RNF14: variants seen among roughly 807,000 people sequenced by gnomAD.
RNF14 encodes the protein ring finger protein 14.
Under a neutral mutation model 52.6 loss-of-function variants are expected in RNF14, and 26 were observed. That is an observed-to-expected ratio of 0.49 (90% CI 0.36 to 0.69). The LOEUF (loss-of-function observed/expected upper bound fraction) is 0.69, where lower values mean the gene tolerates loss of function less well. RNF14 is among the 30% of genes least tolerant of loss of function. RNF14 has a pLI of 0.00. For missense variants in RNF14, 404 were observed against 560.4 expected (o/e 0.72, Z 2.82); for synonymous variants, 194 against 202.0 (o/e 0.96, Z 0.34).
intron 8 of RNF14, among the ~76,000 whole-genome samples, chr5:141,986,852 C>A (rs1171718155): frequency 6.6e-6 from 1 of 152,146 alleles, no homozygotes; most frequent in African/African-American, 2.4e-5. Context: ...AGGAGAAAAA[C>A]GCTGCATGTG....
chr5:141,971,788 C>T (rs1466283776), intron 2 of RNF14, among the ~76,000 whole-genome samples: 1 of 151,690 alleles, frequency 6.6e-6, no homozygotes, highest in Non-Finnish European at 1.5e-5. Flanking sequence ...GCTGGGATTA[C>T]ATGCGTGTAC....
intron 4 of RNF14, among the ~76,000 whole-genome samples, chr5:141,976,631 G>C (rs1754277807): frequency 6.6e-6 from 1 of 152,102 alleles, no homozygotes; most frequent in Non-Finnish European, 1.5e-5. Flanking sequence ...ACATAGAGCT[G>C]TCATTCCCTG....
At chr5:141,982,968 T>C (rs1487890450) in intron 6 of RNF14, among the ~76,000 whole-genome samples, 3 of 152,130 alleles carry the variant, frequency 2.0e-5, no homozygotes, top group Non-Finnish European at 2.9e-5. Context: ...AGGAAAAAAA[T>C]AGCCTATCTT....
upstream of RNF14, chr5:141,953,453 G>A (rs1010674007): frequency 6.6e-6 from 1 of 152,218 alleles, no homozygotes; most frequent in African/African-American, 2.4e-5. Flanking sequence ...ATTTTGCAGA[G>A]GTGGAATTGG....
At chr5:141,978,854 T>C (rs1365637573) in intron 5 of RNF14, 24 bp downstream of exon 5, 9 of 1,604,696 alleles carry the variant, frequency 5.6e-6, no homozygotes, top group Admixed American at 3.4e-5. Flanking sequence ...CTGCTGATGG[T>C]TGCCTCCTAA....
At chr5:141,961,056 A>G (rs1290949126) in intron 1 of RNF14, among the ~76,000 whole-genome samples, 3 of 152,222 alleles carry the variant, frequency 2.0e-5, no homozygotes, top group African/African-American at 4.8e-5. Context: ...ACTGATGACA[A>G]TAGTATCTCT....
At chr5:141,962,313 G>A (rs985218186), upstream of RNF14, among the ~76,000 whole-genome samples, 1 of 152,208 alleles carries the variant, frequency 6.6e-6, no homozygotes, top group African/African-American at 2.4e-5. Context: ...AAAGCTTTAT[G>A]TCTTGGTTAA....
upstream of RNF14, chr5:141,957,681 C>T: frequency 6.2e-7 from 1 of 1,614,214 alleles, no homozygotes; most frequent in Non-Finnish European, 8.5e-7. This position sits in a 1 kb window ranked among gnomAD's most constrained non-coding sequence, Gnocchi z 4.3. Context: ...GCCTCCGCCT[C>T]TCCTCCCGGC....
At chr5:141,965,615 C>T (rs918288549), upstream of RNF14, among the ~76,000 whole-genome samples, 1 of 152,212 alleles carries the variant, frequency 6.6e-6, no homozygotes, top group African/African-American at 2.4e-5. Flanking sequence ...GAGAGTCAGA[C>T]TGATGAGGAA....
At chr5:141,960,100 T>C (rs1753248035) in intron 1 of RNF14, among the ~76,000 whole-genome samples, 1 of 152,188 alleles carries the variant, frequency 6.6e-6, no homozygotes, top group Admixed American at 6.5e-5. Flanking sequence ...CAGCTTGGTG[T>C]GGGCAAGGTG....
At chr5:141,983,983 T>C (rs1442189358) in intron 7 of RNF14, among the ~76,000 whole-genome samples, 4 of 152,140 alleles carry the variant, frequency 2.6e-5, no homozygotes, top group African/African-American at 9.7e-5. Flanking sequence ...TTGACAAAAA[T>C]CTTAATATGT....
rs1259272683 is a variant in RNF14, at chr5:141,978,826, G to T, written c.830G>T (p.Gly277Val). 1 of 1,613,168 alleles carries T rather than the reference G, an allele frequency of 6.2e-7. No individual in the cohort carries two copies. Among genetic ancestry groups the T allele is most frequent in the Admixed American group, 1.7e-5 (1 of 60,010 alleles). ...EPKCPSVATP[G>V]QVKELVEAEL... ...AAGTGCCCTTCGGTGGCCACTCCTGGTCAGGTAACTGTTTACCCTGCTGAT... is the reference window on the plus strand; with the variant it reads ...AAGTGCCCTTCGGTGGCCACTCCTGTTCAGGTAACTGTTTACCCTGCTGAT... The change falls in exon 5 of 9, where the codon GGT becomes GTT. Residue 277 changes from glycine to valine, a missense_variant. By Grantham distance (109) the Gly-to-Val change is moderately radical. Coordinates refer to ENST00000394520, the MANE Select transcript of RNF14 (RefSeq NM_004290.5).
chr5:141,973,794 T>C lies in RNF14; in HGVS notation c.154+52T>C, dbSNP rs754840413. The C allele has an allele frequency of 5.5e-6, 8 of 1,461,292 alleles. No individual in the cohort carries two copies. In the South Asian group the frequency reaches 1.1e-4, roughly 19 times the overall value. 90.5% of individuals were successfully genotyped at this position (1,461,292 alleles called of 1,614,324 possible). ...TTTTCTATTATTCTTTATTTCTTAG[T>C]GTACCTTAAACTATTTGTCATTTTG... On this transcript the variant is annotated intron_variant, in intron 3 of 8. Transcript: ENST00000394520.
intron 1 of RNF14, chr5:141,958,450 C>T (rs1753223099): frequency 6.5e-6 from 1 of 153,072 alleles, no homozygotes; most frequent in Non-Finnish European, 1.5e-5. Flanking sequence ...TGAGCCTCCA[C>T]CTGCTTGCAC....
chr5:141,956,306 C>T (rs1378255812), upstream of RNF14: 6 of 1,614,080 alleles, frequency 3.7e-6, no homozygotes, highest in African/African-American at 1.3e-5. Context: ...GCAGTGACCT[C>T]TCCTGTGTTG....
intron 1 of RNF14, among the ~76,000 whole-genome samples, chr5:141,969,997 A>G (rs1036427018): frequency 6.6e-5 from 10 of 152,230 alleles, no homozygotes; most frequent in African/African-American, 2.4e-4. Flanking sequence ...AATACAGTAC[A>G]TAGTAGGTGC....
At chr5:141,957,226 A>C (rs749283293), upstream of RNF14, 41 of 1,614,206 alleles carry the variant, frequency 2.5e-5, no homozygotes, top group South Asian at 4.4e-4. The surrounding 1 kb of genome is among the most constrained non-coding windows in gnomAD (Gnocchi z 4.3). Flanking sequence ...CAGATCAAAA[A>C]ATGAATGGAT....
upstream of RNF14, chr5:141,955,277 A>G: frequency 6.2e-7 from 1 of 1,614,012 alleles, no homozygotes; most frequent in Non-Finnish European, 8.5e-7. This position sits in a 1 kb window ranked among gnomAD's most constrained non-coding sequence, Gnocchi z 5.5. Context: ...TTCTCCCGGG[A>G]GGCATTCCTC....
At chr5:141,957,909 A>T, upstream of RNF14, 4 of 1,547,824 alleles carry the variant, frequency 2.6e-6, no homozygotes, top group South Asian at 4.9e-5. This position sits in a 1 kb window ranked among gnomAD's most constrained non-coding sequence, Gnocchi z 4.3. Context: ...AGGCTGGACA[A>T]GTCCTCCAGT....
Sources: allele counts gnomAD v4.1 joint callset (sites outside exome capture counted in the v4.1 genomes callset), GRCh38; gene constraint gnomAD v4.1.1; non-coding constraint Gnocchi (gnomAD v3.1); transcripts MANE v1.5; gene names NCBI Gene and HGNC (gene_info 2026-07-23, HGNC 2026-07-21).